NAALAD2: variants seen among roughly 807,000 people sequenced by gnomAD.
NAALAD2 encodes the protein N-acetylated alpha-linked acidic dipeptidase 2, also known as N-acetylated-alpha-linked acidic dipeptidase 2.
Under a neutral mutation model 95.6 loss-of-function variants are expected in NAALAD2, and 89 were observed. The ratio of observed to expected loss-of-function variants is 0.93; its 90% confidence interval spans 0.78 to 1.11. NAALAD2 has a LOEUF of 1.11. NAALAD2 is among the 50% of genes least tolerant of loss of function. NAALAD2 has a pLI of 0.00. For missense variants in NAALAD2, 894 were observed against 872.4 expected (o/e 1.02, Z -0.31); for synonymous variants, 264 against 294.4 (o/e 0.90, Z 1.06).
intron 14 of NAALAD2, among the ~76,000 whole-genome samples, chr11:90,175,275 T>C (rs754664072): frequency 2.8e-4 from 43 of 152,296 alleles, no homozygotes; most frequent in Non-Finnish European, 5.9e-4. Flanking sequence ...CAAAAATGAT[T>C]TCTAAAACAT....
At position 90,134,904 on chromosome 11, in the gene NAALAD2, G is replaced by A. The variant is rs893549510; in HGVS notation, c.82+64G>A. Reference sequence around the variant, plus strand: ...GTGATTCTCTGCAGAGATAAAGGGAGAAATCCTGGAGCTGGAAGGGATTGG... The same window carrying A: ...GTGATTCTCTGCAGAGATAAAGGGAAAAATCCTGGAGCTGGAAGGGATTGG... On this transcript the variant is annotated intron_variant, in intron 1 of 18. Transcript: ENST00000534061. The A allele has an allele frequency of 2.5e-5, 40 of 1,571,442 alleles. No individual in the cohort carries two copies. The Middle Eastern group carries it at 5.0e-4, about 20-fold the overall frequency.
intron 11 of NAALAD2, among the ~76,000 whole-genome samples, chr11:90,166,561 C>T (rs79445423): frequency 0.058 from 8,765 of 152,256 alleles, 859 homozygotes; most frequent in African/African-American, 0.2. Context: ...ATTGGCTGGG[C>T]GCGGTGGCTC....
intron 2 of NAALAD2, among the ~76,000 whole-genome samples, chr11:90,142,611 A>T (rs1951647304): frequency 6.6e-6 from 1 of 152,048 alleles, no homozygotes; most frequent in South Asian, 2.1e-4. Flanking sequence ...TGTAATCTTA[A>T]TTTAAGTATG....
chr11:90,177,915 A>G lies in NAALAD2; in HGVS notation c.1656A>G (p.Val552=), dbSNP rs751408356. The G allele has an allele frequency of 2.5e-6, 4 of 1,613,854 alleles. No homozygotes were observed. Among genetic ancestry groups the G allele is most frequent in the Non-Finnish European group, 3.4e-6 (4 of 1,179,920 alleles). Residue 552 remains valine, a synonymous_variant, in exon 16 of 19, where the codon GTA becomes GTG. Transcript: ENST00000534061. ...YHTIYETFEL[V]EKFYDPTFKK... is the part of the protein sequence containing the mutation. The stretch of plus-strand genomic sequence containing the variant: ...CAATTTATGAGACATTTGAATTGGT[A>G]GAGAAATTTTATGACCCCACATTTA...
intron 13 of NAALAD2, among the ~76,000 whole-genome samples, chr11:90,170,813 A>ATTT (rs1952610278): frequency 6.6e-6 from 1 of 152,200 alleles, no homozygotes; most frequent in African/African-American, 2.4e-5. Context: ...AGTATCTAAA[A>ATTT]AAGATGTGGA....
At chr11:90,177,748 T>C in intron 15 of NAALAD2, 105 bp from the exon 16 acceptor site, 1 of 1,189,284 alleles carries the variant, frequency 8.4e-7, no homozygotes, top group Non-Finnish European at 1.2e-6. Context: ...CCACCATGAC[T>C]GGCTGGTTGT....
chr11:90,186,045 CT>C (rs1250790645), intron 18 of NAALAD2, among the ~76,000 whole-genome samples: 1 of 151,488 alleles, frequency 6.6e-6, no homozygotes. Flanking sequence ...ATTTATTATA[CT>C]TTTAAGTTTT....
intron 18 of NAALAD2, among the ~76,000 whole-genome samples, chr11:90,187,558 T>G (rs1857192161): frequency 6.6e-6 from 1 of 152,202 alleles, no homozygotes; most frequent in South Asian, 2.1e-4. Flanking sequence ...CTAAGATAAA[T>G]GTAGCTATAA....
At chr11:90,186,382 T>G (rs1467134002) in intron 18 of NAALAD2, among the ~76,000 whole-genome samples, 12 of 152,310 alleles carry the variant, frequency 7.9e-5, no homozygotes, top group Admixed American at 7.2e-4. Flanking sequence ...GGCTGCATAG[T>G]ATTCCATGGT....
chr11:90,171,774 A>T (rs1952645565), intron 13 of NAALAD2, among the ~76,000 whole-genome samples: 1 of 152,160 alleles, frequency 6.6e-6, no homozygotes. Context: ...GGGGTGAGAG[A>T]CAAGGCTGAG....
Position 90,182,917 on chromosome 11 carries a change from C to T in NAALAD2, c.1942C>T (p.Pro648Ser). ...ATTATGTATATGTTCTTCTCGAAGT[C>T]CCATTGCAGTGAGAATGATGAATGA... ...KRLIQVDLNN[P>S]IAVRMMNDQL... The change falls in exon 18 of 19, where the codon CCC (proline) becomes TCC (serine). Residue 648 changes from proline (P) to serine (S), a missense_variant and splice_region_variant. By Grantham distance (74) the Pro-to-Ser change is moderately conservative (BLOSUM62 -1). Transcript: ENST00000534061. 1 of 1,604,098 alleles carries T rather than the reference C, an allele frequency of 6.2e-7. No individual in the cohort carries two copies. Among genetic ancestry groups the T allele is most frequent in the Non-Finnish European group, 8.5e-7 (1 of 1,171,576 alleles).
chr11:90,158,061 C>A, intron 6 of NAALAD2, 84 bp from the exon 7 acceptor site: 1 of 1,028,980 alleles, frequency 9.7e-7, no homozygotes, highest in African/African-American at 1.6e-5. Flanking sequence ...TATAGCAAAT[C>A]TGCAACGGTT....
Position 90,134,683 on chromosome 11 carries a change from A to G in NAALAD2, c.-76A>G, listed in dbSNP as rs1951409312. 1 of 1,452,516 alleles carries G rather than the reference A, an allele frequency of 6.9e-7. No homozygotes were observed. The highest frequency in any genetic ancestry group is 9.6e-7 in the Non-Finnish European group (1 of 1,037,264). The allele number at this position is 1,452,516 out of a possible 1,614,324, so 90.0% of individuals were successfully genotyped here. A position where few individuals can be genotyped will look rare whatever the true frequency, so the allele number is the denominator to read the frequency against. ...CACCCAGAGCTCACAGCCTCCTGCC[A>G]GCGCGCTCTCTGTTTCTCTGCAGCC... On this transcript the variant is annotated 5_prime_UTR_variant, in exon 1 of 19. Coordinates refer to ENST00000534061, the MANE Select transcript of NAALAD2 (RefSeq NM_005467.4).
rs1347481932 is a variant in NAALAD2 at position 90,155,477 on chromosome 11, TATATATTATATATA to T, written c.797-2651_797-2638del. On this transcript the variant is annotated intron_variant, in intron 6 of 18. Coordinates refer to ENST00000534061, the MANE Select transcript of NAALAD2 (RefSeq NM_005467.4). ...TAATATGTAATATTACATATACATG[TATATATTATATATA>T]ATATATTATATATAATTATATATAA... Among the ~76,000 whole-genome samples, 15 of 110,150 alleles carry T rather than the reference TATATATTATATATA, an allele frequency of 1.4e-4. No individual in the cohort carries two copies. The East Asian group carries it at 1.7e-3, about 13-fold the overall frequency. 72.3% of individuals were successfully genotyped at this position (110,150 alleles called of 152,430 possible). A position where few individuals can be genotyped will look rare whatever the true frequency, so the allele number is the denominator to read the frequency against.
intron 2 of NAALAD2, among the ~76,000 whole-genome samples, chr11:90,141,730 G>A (rs563161784): frequency 6.6e-6 from 1 of 152,194 alleles, no homozygotes; most frequent in South Asian, 2.1e-4. Flanking sequence ...GATTACAAAT[G>A]TGAGCCACTG....
chr11:90,149,236 C>A, intron 4 of NAALAD2, 129 bp downstream of exon 4: 1 of 425,790 alleles, frequency 2.3e-6, no homozygotes. Flanking sequence ...ATATTCAGTA[C>A]TATGAAAACC....
chr11:90,170,112 A>G lies in NAALAD2; in HGVS notation c.1386A>G (p.Gln462=), dbSNP rs747137834. 10 of 1,592,382 alleles carry G rather than the reference A, an allele frequency of 6.3e-6. No individual in the cohort carries two copies. The highest frequency in any genetic ancestry group is 8.6e-6 in the Non-Finnish European group (10 of 1,160,632). Residue 462 remains glutamine, a synonymous_variant, in exon 13 of 19, where the codon CAA becomes CAG. Transcript: ENST00000534061. ...LRVDCTPLLY[Q]LVYKLTKEIP... is the part of the protein sequence containing the mutation. ...TTGACTGTACTCCCCTTCTTTACCA[A>G]TTAGTGTATAAACTGACAAAAGAGG...
intron 12 of NAALAD2, 116 bp downstream of exon 12, chr11:90,169,108 A>G (rs10741322): frequency 0.39 from 242,085 of 620,934 alleles, 49,316 homozygotes; most frequent in African/African-American, 0.57. Context: ...CTTATTAAGC[A>G]CCTCAGATAT....
chr11:90,138,890 AT>A, intron 2 of NAALAD2, among the ~76,000 whole-genome samples: 1 of 151,618 alleles, frequency 6.6e-6, no homozygotes, highest in East Asian at 1.9e-4. Context: ...CTTTCACAGC[AT>A]TTTCTATAAC....
Sources: gnomAD v4.1 joint callset for allele counts (sites outside exome capture counted in the v4.1 genomes callset) on GRCh38, gnomAD v4.1.1 for gene constraint, MANE v1.5 for transcripts, NCBI Gene and HGNC (gene_info 2026-07-23, HGNC 2026-07-21) for gene names.